The following STK40 variants were observed in gnomAD, a reference collection of about 807,000 sequenced individuals.
STK40 encodes serine/threonine kinase 40.
A neutral mutation model predicts 47.9 loss-of-function variants in STK40; 13 were observed. The observed-to-expected ratio is 0.27, with a 90% confidence interval of 0.18 to 0.43. The LOEUF is 0.43. Among genes scored for constraint, STK40 ranks in the 20% least tolerant of loss-of-function variants. The pLI is 1.00. For missense variants in STK40, 460 were observed against 595.1 expected (o/e 0.77, Z 2.36); for synonymous variants, 225 against 243.2 (o/e 0.93, Z 0.69).
intron 4 of STK40, among the ~76,000 whole-genome samples, chr1:36,357,905 G>A (rs1170867847): frequency 2.6e-5 from 4 of 152,216 alleles, no homozygotes; most frequent in South Asian, 4.1e-4. Flanking sequence ...GTGAGCCACC[G>A]TGCCTGGCCT....
chr1:36,381,168 C>T (rs1348933350), intron 1 of STK40, among the ~76,000 whole-genome samples: 1 of 152,190 alleles, frequency 6.6e-6, no homozygotes, highest in African/African-American at 2.4e-5. Flanking sequence ...CTGCAACAGC[C>T]TCCTATGGGG....
chr1:36,358,849 C>T, intron 2 of STK40, 27 bp from the exon 3 acceptor site: 1 of 1,614,040 alleles, frequency 6.2e-7, no homozygotes. Flanking sequence ...TGCTGGTCTA[C>T]TTTTCAGAAG....
chr1:36,369,167 G>T (rs185832201), intron 1 of STK40, among the ~76,000 whole-genome samples: 1 of 152,296 alleles, frequency 6.6e-6, no homozygotes, highest in East Asian at 1.9e-4. Context: ...AATTGGTTGG[G>T]GGGGCGGGGC....
intron 9 of STK40, among the ~76,000 whole-genome samples, 156 bp downstream of exon 9, chr1:36,343,704 C>T (rs139280768): frequency 8.1e-4 from 124 of 152,344 alleles, no homozygotes; most frequent in Non-Finnish European, 1.3e-3. Flanking sequence ...ACCTTCAGTT[C>T]TGCCTATGCC....
At chr1:36,375,253 T>A (rs1275398041) in intron 1 of STK40, among the ~76,000 whole-genome samples, 1 of 152,152 alleles carries the variant, frequency 6.6e-6, no homozygotes, top group Non-Finnish European at 1.5e-5. Context: ...ACGTCTATCA[T>A]CCCAGCACTT....
chr1:36,344,019 G>A (rs748183905), intron 8 of STK40, 40 bp from the exon 9 acceptor site: 1 of 1,593,574 alleles, frequency 6.3e-7, no homozygotes, highest in South Asian at 1.1e-5. Flanking sequence ...AGTGGGTGGT[G>A]CTGGGTCTGT....
In STK40 at chr1:36,355,372, T is replaced by C; in HGVS notation, c.404A>G (p.Lys135Arg). The C allele has an allele frequency of 6.2e-7, 1 of 1,614,158 alleles. No homozygotes were observed. Among genetic ancestry groups the C allele is most frequent in the South Asian group, 1.1e-5 (1 of 91,080 alleles). ...GCAGTCCAGGACGAGGCAGATGCGC[T>C]TCTTCATCTTCTTAACCATCCGGCT... is the stretch of plus-strand genomic sequence containing the variant. ...ESSRMVKKMKKRICLVLDCLC... is the reference protein window; with the variant it reads ...ESSRMVKKMKRRICLVLDCLC... Residue 135 changes from lysine (K) to arginine (R), a missense_variant, in exon 5 of 11, where the codon AAG becomes AGG. Physicochemically the swap from Lys to Arg is conservative, Grantham distance 26. Transcript: ENST00000373132.
intron 7 of STK40, among the ~76,000 whole-genome samples, chr1:36,345,902 G>A (rs1364004133): frequency 6.8e-6 from 1 of 148,092 alleles, no homozygotes; most frequent in Non-Finnish European, 1.5e-5. Context: ...GGCTTCTGAG[G>A]GGACACTGTA....
At chr1:36,355,005 G>C (rs1646790064) in intron 5 of STK40, among the ~76,000 whole-genome samples, 1 of 152,178 alleles carries the variant, frequency 6.6e-6, no homozygotes, top group African/African-American at 2.4e-5. Flanking sequence ...CTGGGCTGCA[G>C]GTCAGCCCTC....
chr1:36,358,923 A>G (rs1193960820), intron 2 of STK40, 101 bp from the exon 3 acceptor site: 2 of 1,317,270 alleles, frequency 1.5e-6, no homozygotes, highest in East Asian at 2.4e-5. Flanking sequence ...TCAGGAGGGC[A>G]CCATAGCTCA....
At chr1:36,384,956 T>C (rs1647072813) in intron 1 of STK40, among the ~76,000 whole-genome samples, 1 of 152,232 alleles carries the variant, frequency 6.6e-6, no homozygotes, top group Admixed American at 6.5e-5. Flanking sequence ...CTCCAGTGAC[T>C]TAAAACAGAG....
At chr1:36,352,074 T>C (rs1646763762) in intron 6 of STK40, among the ~76,000 whole-genome samples, 1 of 152,206 alleles carries the variant, frequency 6.6e-6, no homozygotes, top group East Asian at 1.9e-4. Flanking sequence ...TTCCCAACTT[T>C]ATGACAACTG....
In STK40 at chr1:36,372,445, A is replaced by AG. The variant is rs1286592095; in HGVS notation, c.-8-11106_-8-11105insC. On this transcript the variant is annotated intron_variant, in intron 1 of 10. Coordinates refer to ENST00000373132, the MANE Select transcript of STK40 (RefSeq NM_001282547.2). The stretch of plus-strand genomic sequence containing the variant: ...TCTCAAAAAAAAAAAAAAAAAAAAA[A>AG]AAAGAAAGAAAGAAAAAGAAAAAAG... Among the ~76,000 whole-genome samples, 14 of 150,064 alleles carry AG rather than the reference A, an allele frequency of 9.3e-5. No homozygotes were observed. In the East Asian group the frequency reaches 1.6e-3, roughly 17 times the overall value.
At position 36,358,722 on chromosome 1, in the gene STK40, C is replaced by T; in HGVS notation, c.198+15G>A. On this transcript the variant is annotated intron_variant, in intron 3 of 10. Transcript: ENST00000373132. ...CCCTGTTCCTGAGGCACCCTCACCC[C>T]CATGTCTCACTTACCTTCAGCTGAT... The T allele has an allele frequency of 1.2e-6, 2 of 1,613,844 alleles. No homozygotes were observed. Among genetic ancestry groups the T allele is most frequent in the African/African-American group, 1.3e-5 (1 of 75,048 alleles).
At chr1:36,345,370 G>A (rs1021357127) in intron 7 of STK40, among the ~76,000 whole-genome samples, 3 of 152,238 alleles carry the variant, frequency 2.0e-5, no homozygotes, top group Non-Finnish European at 2.9e-5. Context: ...CTCAGCCTGC[G>A]TCTTCAGAAG....
At chr1:36,354,923 C>T (rs1299236371) in intron 5 of STK40, among the ~76,000 whole-genome samples, 2 of 152,154 alleles carry the variant, frequency 1.3e-5, no homozygotes, top group Non-Finnish European at 2.9e-5. Context: ...ACTGTCATCA[C>T]TACATGGGGG....
At chr1:36,358,464 G>T in intron 3 of STK40, 82 bp from the exon 4 acceptor site, 1 of 1,516,108 alleles carries the variant, frequency 6.6e-7, no homozygotes, top group Admixed American at 2.0e-5. Context: ...GGAAGCAGGG[G>T]GCTTTTTACC....
intron 6 of STK40, among the ~76,000 whole-genome samples, chr1:36,349,179 T>A (rs144662396): frequency 1.3e-5 from 2 of 152,186 alleles, no homozygotes; most frequent in Non-Finnish European, 1.5e-5. Flanking sequence ...TATTCTAGAC[T>A]GGGAGTGACC....
chr1:36,343,272 C>T lies in STK40; in HGVS notation c.1089+92G>A, dbSNP rs771125034. The T allele has an allele frequency of 9.8e-5, 133 of 1,355,056 alleles. No homozygotes were observed. In the African/African-American group the frequency reaches 1.1e-3, roughly 11 times the overall value. 83.9% of individuals were successfully genotyped at this position (1,355,056 alleles called of 1,614,324 possible). ...AAGACCAAGGAAACTCTGTGGCCTG[C>T]GGGTAGCTGCCACCTCTGCCCTTGC... On this transcript the variant is annotated intron_variant, in intron 10 of 10. Coordinates refer to ENST00000373132, the MANE Select transcript of STK40 (RefSeq NM_001282547.2).
Sources: allele counts gnomAD v4.1 joint callset (sites outside exome capture counted in the v4.1 genomes callset), GRCh38; gene constraint gnomAD v4.1.1; transcripts MANE v1.5; gene names NCBI Gene and HGNC (gene_info 2026-07-23, HGNC 2026-07-21).